BRINP3: variants seen among roughly 807,000 people sequenced by gnomAD.
BRINP3 encodes BMP/retinoic acid inducible neural specific 3.
BRINP3 carries 19 observed loss-of-function variants against 71.0 expected under a neutral mutation model. That is an observed-to-expected ratio of 0.27 (90% CI 0.19 to 0.39). The LOEUF is 0.39. Ranked by LOEUF, BRINP3 falls within the 10% of genes least tolerant of loss-of-function variation. The pLI is 1.00. For synonymous variants in BRINP3, 380 were observed against 337.7 expected, an observed-to-expected ratio of 1.13 and a Z score of -1.37; for missense variants, 959 against 940.8, an observed-to-expected ratio of 1.02 and a Z score of -0.25.
At chr1:190,366,454 C>T (rs545128217) in intron 2 of BRINP3, among the ~76,000 whole-genome samples, 1 of 152,200 alleles carries the variant, frequency 6.6e-6, no homozygotes, top group South Asian at 2.1e-4. Flanking sequence ...ATTATGGGAA[C>T]TACAATTCAA....
intron 6 of BRINP3, among the ~76,000 whole-genome samples, chr1:190,179,000 A>G (rs1369647894): frequency 2.0e-5 from 3 of 152,166 alleles, no homozygotes; most frequent in Non-Finnish European, 4.4e-5. Flanking sequence ...GATAACGCCT[A>G]CCTTTCTCCT....
intron 2 of BRINP3, among the ~76,000 whole-genome samples, chr1:190,303,595 CCTTA>C (rs1664884367): frequency 6.6e-6 from 1 of 151,584 alleles, no homozygotes; most frequent in African/African-American, 2.4e-5. Context: ...TGTCAAATAG[CCTTA>C]CTTATTCTGG....
chr1:190,280,805 G>T (rs1261062474), intron 3 of BRINP3, among the ~76,000 whole-genome samples: 3 of 151,808 alleles, frequency 2.0e-5, no homozygotes, highest in Non-Finnish European at 2.9e-5. Context: ...GCAATTGTGG[G>T]ACATGATTTG....
chr1:190,141,677 C>T (rs1300873865), intron 7 of BRINP3, among the ~76,000 whole-genome samples: 3 of 149,968 alleles, frequency 2.0e-5, no homozygotes, highest in African/African-American at 7.4e-5. Flanking sequence ...TCTCCTGCCT[C>T]AGCCTCCTAA....
At chr1:190,197,471 C>G (rs984937452) in intron 6 of BRINP3, among the ~76,000 whole-genome samples, 4 of 152,192 alleles carry the variant, frequency 2.6e-5, no homozygotes, top group Admixed American at 1.3e-4. Flanking sequence ...AAATCAAAAG[C>G]AAGTTAGTTA....
At chr1:190,331,062 C>A (rs944034475) in intron 2 of BRINP3, among the ~76,000 whole-genome samples, 1 of 151,806 alleles carries the variant, frequency 6.6e-6, no homozygotes, top group African/African-American at 2.4e-5. Context: ...ACTCAGGTAA[C>A]AAACATGCAT....
chr1:190,220,435 A>C (rs1231981379), intron 6 of BRINP3, among the ~76,000 whole-genome samples: 2 of 152,084 alleles, frequency 1.3e-5, no homozygotes, highest in Admixed American at 6.6e-5. Context: ...AGAAATACCT[A>C]ATGTTGGTGA....
At chr1:190,275,111 C>T (rs959122408) in intron 3 of BRINP3, among the ~76,000 whole-genome samples, 4 of 151,428 alleles carry the variant, frequency 2.6e-5, no homozygotes, top group Non-Finnish European at 5.9e-5. Context: ...ATGATACTCT[C>T]GATAGTAGTA....
intron 7 of BRINP3, among the ~76,000 whole-genome samples, chr1:190,116,849 T>A (rs886174696): frequency 3.9e-5 from 6 of 152,026 alleles, no homozygotes; most frequent in African/African-American, 1.4e-4. Flanking sequence ...CTTATGTGAC[T>A]TAGAATTTCT....
At chr1:190,271,947 G>A (rs1662146133) in intron 3 of BRINP3, among the ~76,000 whole-genome samples, 1 of 151,466 alleles carries the variant, frequency 6.6e-6, no homozygotes, top group Non-Finnish European at 1.5e-5. Context: ...AAGAAGTAGG[G>A]ATCACCATTT....
chr1:190,103,799 C>T (rs1333452020), intron 7 of BRINP3, among the ~76,000 whole-genome samples: 2 of 151,886 alleles, frequency 1.3e-5, no homozygotes, highest in Non-Finnish European at 2.9e-5. Context: ...AGAAATTTTA[C>T]ACATAAGAAG....
intron 6 of BRINP3, among the ~76,000 whole-genome samples, chr1:190,196,212 C>T (rs956393317): frequency 1.3e-5 from 2 of 152,092 alleles, no homozygotes; most frequent in African/African-American, 4.8e-5. Context: ...AGATTTAGTT[C>T]CTTTAGGACT....
At chr1:190,243,978 C>G (rs143793730) in intron 4 of BRINP3, among the ~76,000 whole-genome samples, 121 of 152,164 alleles carry the variant, frequency 8.0e-4, no homozygotes, top group Middle Eastern at 6.8e-3. Flanking sequence ...TGTCTCTCAT[C>G]ACCCCCAGAT....
At chr1:190,412,761 A>G (rs1447921051) in intron 2 of BRINP3, among the ~76,000 whole-genome samples, 1 of 152,030 alleles carries the variant, frequency 6.6e-6, no homozygotes, top group South Asian at 2.1e-4. Flanking sequence ...TAGTACTTTA[A>G]TTACTACTAG....
chr1:190,140,138 C>T (rs556608643), intron 7 of BRINP3, among the ~76,000 whole-genome samples: 88 of 152,244 alleles, frequency 5.8e-4, no homozygotes, highest in African/African-American at 2.0e-3. Context: ...GAAAAAACAG[C>T]TAAGCTGCAC....
At chr1:190,410,281 T>C (rs1672577701) in intron 2 of BRINP3, among the ~76,000 whole-genome samples, 1 of 152,180 alleles carries the variant, frequency 6.6e-6, no homozygotes, top group African/African-American at 2.4e-5. Context: ...GGTATGCCTC[T>C]GATATTTTTG....
At chr1:190,209,505 T>C (rs1480572562) in intron 6 of BRINP3, among the ~76,000 whole-genome samples, 1 of 152,082 alleles carries the variant, frequency 6.6e-6, no homozygotes, top group Non-Finnish European at 1.5e-5. Context: ...CACATGGCCA[T>C]ACCTAACTTC....
intron 6 of BRINP3, among the ~76,000 whole-genome samples, chr1:190,183,030 G>A (rs545743550): frequency 2.0e-5 from 3 of 152,100 alleles, no homozygotes; most frequent in Non-Finnish European, 4.4e-5. Context: ...TGCAGTTGGT[G>A]TCATAAATGA....
intron 2 of BRINP3, among the ~76,000 whole-genome samples, chr1:190,324,206 A>G (rs1028963621): frequency 6.6e-6 from 1 of 152,030 alleles, no homozygotes; most frequent in Non-Finnish European, 1.5e-5. Flanking sequence ...TCTAAGACCT[A>G]TAGCTATACA....
Sources: gnomAD v4.1 joint callset for allele counts (sites outside exome capture counted in the v4.1 genomes callset) on GRCh38, gnomAD v4.1.1 for gene constraint, MANE v1.5 for transcripts, NCBI Gene and HGNC (gene_info 2026-07-23, HGNC 2026-07-21) for gene names.